PLPP7: variants seen among roughly 807,000 people sequenced by gnomAD.
The protein encoded by PLPP7 is inactive phospholipid phosphatase 7.
Under a neutral mutation model 16.9 loss-of-function variants are expected in PLPP7, and 11 were observed. That is an observed-to-expected ratio of 0.65 (90% CI 0.41 to 1.08). PLPP7 has a LOEUF of 1.08. PLPP7 is among the 50% of genes least tolerant of loss of function. The probability of loss-of-function intolerance (pLI) is 0.00; values close to 1 mark genes in which losing one functional copy is unlikely to be tolerated. For missense variants in PLPP7, 358 were observed against 397.1 expected, an observed-to-expected ratio of 0.90 and a Z score of 0.84; for synonymous variants, 174 against 175.1, an observed-to-expected ratio of 0.99 and a Z score of 0.05.
At chr9:131,307,867 G>T in intron 1 of PLPP7, 56 bp from the exon 2 acceptor site, 1 of 1,492,934 alleles carries the variant, frequency 6.7e-7, no homozygotes, top group Non-Finnish European at 8.9e-7. Context: ...GGGGGCCAGG[G>T]CCTGGGCCTG....
chr9:131,305,051 G>A (rs952668962), intron 1 of PLPP7, among the ~76,000 whole-genome samples: 5 of 152,176 alleles, frequency 3.3e-5, no homozygotes, highest in Non-Finnish European at 5.9e-5. Context: ...ATGACACAGC[G>A]CAGTTGCTGG....
chr9:131,299,903 C>G (rs1380793144), intron 1 of PLPP7, among the ~76,000 whole-genome samples: 1 of 152,198 alleles, frequency 6.6e-6, no homozygotes, highest in Non-Finnish European at 1.5e-5. Context: ...AGGCTGGGCC[C>G]TATGGTCCCC....
chr9:131,297,201 G>T (rs1019353765), intron 1 of PLPP7, among the ~76,000 whole-genome samples: 1 of 152,152 alleles, frequency 6.6e-6, no homozygotes, highest in Non-Finnish European at 1.5e-5. Flanking sequence ...CAGTAGGCAG[G>T]GTCTGGATCA....
intron 1 of PLPP7, among the ~76,000 whole-genome samples, chr9:131,293,375 G>A (rs1179772521): frequency 2.6e-5 from 4 of 152,326 alleles, no homozygotes; most frequent in South Asian, 2.1e-4. Context: ...GCACAAGTCA[G>A]GCATTCAGCA....
At chr9:131,293,217 T>C (rs1835701311) in intron 1 of PLPP7, among the ~76,000 whole-genome samples, 1 of 146,822 alleles carries the variant, frequency 6.8e-6, no homozygotes, top group Non-Finnish European at 1.5e-5. Flanking sequence ...CCCCCACTCC[T>C]CGCTGCTCAC....
At chr9:131,305,024 C>A (rs902819359) in intron 1 of PLPP7, among the ~76,000 whole-genome samples, 5 of 152,122 alleles carry the variant, frequency 3.3e-5, no homozygotes, top group African/African-American at 9.7e-5. Flanking sequence ...TTCATCTTGT[C>A]CTCTATAAAG....
At chr9:131,294,190 A>T (rs906007919) in intron 1 of PLPP7, among the ~76,000 whole-genome samples, 2 of 151,720 alleles carry the variant, frequency 1.3e-5, no homozygotes, top group Non-Finnish European at 2.9e-5. Context: ...AAAAGTTTGG[A>T]CTCCACAGGC....
chr9:131,304,261 G>A (rs112624102), intron 1 of PLPP7, among the ~76,000 whole-genome samples: 27 of 152,304 alleles, frequency 1.8e-4, no homozygotes, highest in African/African-American at 4.3e-4. Flanking sequence ...ACAGAAAGGC[G>A]GAGCAGCCCC....
Position 131,307,992 on chromosome 9 carries a change from C to T in PLPP7, c.521C>T (p.Thr174Met), listed in dbSNP as rs2966332. Residue 174 changes from threonine to methionine, a missense_variant, in exon 2 of 2, where the codon ACG (threonine) becomes ATG (methionine). Coordinates refer to ENST00000372264, the MANE Select transcript of PLPP7 (RefSeq NM_032728.4). Reference protein sequence around the residue: ...KLIKRRGPYETSPSLLDYLTM... With the variant: ...KLIKRRGPYEMSPSLLDYLTM... ...ATCAAGCGGCGCGGCCCGTACGAGACGAGCCCCAGCCTCCTGGACTACCTC... is the reference window on the plus strand; with the variant it reads ...ATCAAGCGGCGCGGCCCGTACGAGATGAGCCCCAGCCTCCTGGACTACCTC... 1,154,535 of 1,600,178 alleles carry T rather than the reference C, an allele frequency of 0.72. 420,680 individuals carry two copies. The highest frequency in any genetic ancestry group is 0.77 in the Middle Eastern group (4,683 of 6,060).
chr9:131,294,486 G>A (rs927519456), intron 1 of PLPP7, among the ~76,000 whole-genome samples: 7 of 152,018 alleles, frequency 4.6e-5, no homozygotes, highest in African/African-American at 1.4e-4. Flanking sequence ...TCTCCCTCCC[G>A]AGCAGCACCC....
In PLPP7 at chr9:131,295,689, C is replaced by T. The variant is rs1290614847; in HGVS notation, c.451+5241C>T. Among the ~76,000 whole-genome samples the T allele has an allele frequency of 2.6e-5, 4 of 152,002 alleles. No homozygotes were observed. Among genetic ancestry groups the T allele is most frequent in the African/African-American group, 9.7e-5 (4 of 41,348 alleles). ...CCCTTCCCCCAGCCCCTGGCAACCTCCATTCTACACTCTGTCTCTGTGGAT... is the reference window on the plus strand; with the variant it reads ...CCCTTCCCCCAGCCCCTGGCAACCTTCATTCTACACTCTGTCTCTGTGGAT... On this transcript the variant is annotated intron_variant, in intron 1 of 1. Coordinates refer to ENST00000372264, the MANE Select transcript of PLPP7 (RefSeq NM_032728.4). The surrounding 1 kb of genome is among the most constrained non-coding windows in gnomAD (Gnocchi z 4.0).
At position 131,290,447 on chromosome 9, in the gene PLPP7, G is replaced by A; in HGVS notation, c.450G>A (p.Leu150=). 1 of 1,507,012 alleles carries A rather than the reference G, an allele frequency of 6.6e-7. No individual in the cohort carries two copies. Among genetic ancestry groups the A allele is most frequent in the Non-Finnish European group, 8.9e-7 (1 of 1,129,074 alleles). 93.4% of individuals were successfully genotyped at this position (1,507,012 alleles called of 1,614,324 possible). The change falls in exon 1 of 2, where the codon CTG becomes CTA. Residue 150 remains leucine (L), a splice_region_variant and synonymous_variant. Transcript: ENST00000372264. The surrounding 1 kb of genome is among the most constrained non-coding windows in gnomAD (Gnocchi z 4.2). ...AGGAGGTGCTCATGAATCTGCTCCTGGGTGAGTGTGCCTGCCGCCCGCCAC... is the reference window on the plus strand; with the variant it reads ...AGGAGGTGCTCATGAATCTGCTCCTAGGTGAGTGTGCCTGCCGCCCGCCAC... ...AGQEVLMNLL[L]ALLLDIMTVA... is the part of the protein sequence containing the mutation.
intron 1 of PLPP7, chr9:131,293,104 C>A: frequency 2.8e-6 from 1 of 351,198 alleles, no homozygotes; most frequent in Non-Finnish European, 4.0e-6. Context: ...GCCCATTTTA[C>A]AGATGAGTAA....
At chr9:131,307,886 C>T (rs953442136) in intron 1 of PLPP7, 37 bp from the exon 2 acceptor site, 1 of 1,526,060 alleles carries the variant, frequency 6.6e-7, no homozygotes, top group Non-Finnish European at 8.8e-7. Context: ...TGGCTGGTGG[C>T]CCTGATGGCC....
At chr9:131,304,006 A>G (rs1015417156) in intron 1 of PLPP7, among the ~76,000 whole-genome samples, 4 of 152,086 alleles carry the variant, frequency 2.6e-5, no homozygotes, top group African/African-American at 9.7e-5. Flanking sequence ...GGGGTCCCCA[A>G]GGTCACCTGA....
Position 131,308,301 on chromosome 9 carries a change from C to A in PLPP7, c.*14C>A. 1 of 1,574,200 alleles carries A rather than the reference C, an allele frequency of 6.4e-7. No homozygotes were observed. On this transcript the variant is annotated 3_prime_UTR_variant, in exon 2 of 2. Transcript: ENST00000372264. ...TCTGCCTGGTGAAGCGCCCGCCGGC[C>A]CACACAAGCCTCTGGGGGCAGGGCT...
intron 1 of PLPP7, among the ~76,000 whole-genome samples, chr9:131,300,203 G>A (rs1456875503): frequency 1.3e-5 from 2 of 152,230 alleles, no homozygotes; most frequent in African/African-American, 4.8e-5. Flanking sequence ...GCCTGGGAGG[G>A]CAGGAGGTGA....
In PLPP7 at chr9:131,290,190, C is replaced by T. The variant is rs912009587; in HGVS notation, c.193C>T (p.Leu65=). ...CAGAGAGCGACGCCAGTCACAGCAG[C>T]TGCCAGAGGAGGACTGCATGCAGCT... ...GARERRQSQQ[L]PEEDCMQLNP... The change falls in exon 1 of 2, where the codon CTG becomes TTG. Residue 65 remains leucine, a synonymous_variant. Coordinates refer to ENST00000372264, the MANE Select transcript of PLPP7 (RefSeq NM_032728.4). The surrounding 1 kb of genome is among the most constrained non-coding windows in gnomAD (Gnocchi z 4.2). The T allele has an allele frequency of 2.5e-6, 4 of 1,591,188 alleles. No homozygotes were observed. In the African/African-American group the frequency reaches 4.0e-5, roughly 16 times the overall value.
intron 1 of PLPP7, among the ~76,000 whole-genome samples, chr9:131,299,738 C>T (rs1588209097): frequency 6.6e-6 from 1 of 152,360 alleles, no homozygotes; most frequent in Middle Eastern, 3.4e-3. Flanking sequence ...TTACTGCCCA[C>T]CGTCCCGTTT....
Sources: allele counts gnomAD v4.1 joint callset (sites outside exome capture counted in the v4.1 genomes callset), GRCh38; gene constraint gnomAD v4.1.1; non-coding constraint Gnocchi (gnomAD v3.1); transcripts MANE v1.5; gene names NCBI Gene and HGNC (gene_info 2026-07-23, HGNC 2026-07-21).